TENM3: variants seen among roughly 807,000 people sequenced by gnomAD.
TENM3 encodes teneurin transmembrane protein 3, also known as teneurin-3.
In TENM3, 63 loss-of-function variants were observed where a neutral mutation model predicts 255.1. The observed-to-expected ratio is 0.25, with a 90% CI of 0.20 to 0.30. The LOEUF (loss-of-function observed/expected upper bound fraction) is 0.30, where lower values mean the gene tolerates loss of function less well. TENM3 is among the 10% of genes least tolerant of loss of function. The pLI, the probability that TENM3 is intolerant of heterozygous loss-of-function variation, is 1.00. For synonymous variants in TENM3, 1,306 were observed against 1,322.3 expected, an observed-to-expected ratio of 0.99 and a Z score of 0.27; for missense variants, 2,929 against 3,461.1, an observed-to-expected ratio of 0.85 and a Z score of 3.86.
intron 3 of TENM3, among the ~76,000 whole-genome samples, chr4:182,484,552 C>T (rs1025852120): frequency 2.0e-4 from 30 of 152,050 alleles, no homozygotes; most frequent in African/African-American, 6.0e-4. Context: ...CCTTTGAATA[C>T]GATTAATTTT....
At chr4:182,082,471 G>A in the TENM3 span, among the ~76,000 whole-genome samples, 29 of 152,158 alleles carry the variant, frequency 1.9e-4, no homozygotes, top group East Asian at 1.9e-3. Context: ...CCCAGCTTTC[G>A]CAATTATCAA....
the TENM3 span, among the ~76,000 whole-genome samples, chr4:182,022,935 G>A: frequency 1.3e-5 from 2 of 152,214 alleles, no homozygotes; most frequent in African/African-American, 4.8e-5. Context: ...TGAGGAGGGA[G>A]AAAAAACGCC....
intron 6 of TENM3, 117 bp from the exon 7 acceptor site, chr4:182,672,888 A>G: frequency 2.8e-6 from 2 of 712,834 alleles, no homozygotes; most frequent in South Asian, 2.1e-5. Context: ...AATATATCAG[A>G]AGATGAAATG....
chr4:182,533,439 TA>T (rs1445827044), intron 3 of TENM3, among the ~76,000 whole-genome samples: 1 of 149,196 alleles, frequency 6.7e-6, no homozygotes, highest in East Asian at 2.0e-4. Context: ...TAGTCCCAAC[TA>T]ATGTGGAAGG....
intron 22 of TENM3, among the ~76,000 whole-genome samples, chr4:182,757,560 C>T (rs1402398589): frequency 6.6e-6 from 1 of 152,088 alleles, no homozygotes; most frequent in Non-Finnish European, 1.5e-5. Flanking sequence ...CCTACAAATG[C>T]ATTTTAATCA....
intron 3 of TENM3, among the ~76,000 whole-genome samples, chr4:182,390,211 G>A (rs1448052103): frequency 3.3e-5 from 5 of 152,086 alleles, no homozygotes; most frequent in African/African-American, 7.2e-5. Context: ...TTACAGATCC[G>A]TTTGCATTTG....
intron 3 of TENM3, among the ~76,000 whole-genome samples, chr4:182,375,461 A>C (rs188839704): frequency 6.6e-6 from 1 of 152,318 alleles, no homozygotes; most frequent in East Asian, 1.9e-4. Flanking sequence ...TTATTTTCCT[A>C]GTGGAAAAAC....
chr4:181,608,351 A>T, the TENM3 span, among the ~76,000 whole-genome samples: 1 of 152,222 alleles, frequency 6.6e-6, no homozygotes, highest in Non-Finnish European at 1.5e-5. Context: ...CCCCTCTCCA[A>T]GAGGTTCCAG....
chr4:182,392,653 C>T (rs551836550), intron 3 of TENM3, among the ~76,000 whole-genome samples: 2 of 151,960 alleles, frequency 1.3e-5, no homozygotes, highest in South Asian at 2.1e-4. Flanking sequence ...GCCGCCAAAC[C>T]TAGGGGAATG....
chr4:182,430,086 T>C (rs1300431267), intron 3 of TENM3, among the ~76,000 whole-genome samples: 4 of 152,250 alleles, frequency 2.6e-5, no homozygotes, highest in African/African-American at 9.6e-5. Flanking sequence ...CTGAGTGACA[T>C]GACGCAGCTG....
chr4:182,798,913 CTGAGT>C (rs765196266), intron 27 of TENM3, among the ~76,000 whole-genome samples: 59 of 152,288 alleles, frequency 3.9e-4, no homozygotes, highest in Non-Finnish European at 6.9e-4. Context: ...TAAGAAATGG[CTGAGT>C]TAAGATGCCC....
chr4:181,987,905 G>A, the TENM3 span, among the ~76,000 whole-genome samples: 1 of 152,084 alleles, frequency 6.6e-6, no homozygotes, highest in African/African-American at 2.4e-5. Flanking sequence ...GGACAGAGAT[G>A]ACATCGTTGG....
chr4:182,605,896 T>TA (rs1748370815), intron 4 of TENM3, among the ~76,000 whole-genome samples: 1 of 152,222 alleles, frequency 6.6e-6, no homozygotes, highest in Admixed American at 6.5e-5. Flanking sequence ...CTGATAGCTG[T>TA]ACCAGGCAAA....
At chr4:182,644,769 T>G (rs576490610) in intron 5 of TENM3, among the ~76,000 whole-genome samples, 1 of 152,290 alleles carries the variant, frequency 6.6e-6, no homozygotes, top group South Asian at 2.1e-4. Context: ...TAAGAAAGAT[T>G]TAATTTTTAA....
At chr4:182,357,544 G>A (rs1366740118) in intron 3 of TENM3, among the ~76,000 whole-genome samples, 7 of 148,156 alleles carry the variant, frequency 4.7e-5, no homozygotes, top group East Asian at 2.0e-4. Context: ...CATGTCCTTC[G>A]CCCACTTTTT....
chr4:181,627,016 C>A, the TENM3 span, among the ~76,000 whole-genome samples: 1 of 152,068 alleles, frequency 6.6e-6, no homozygotes, highest in Non-Finnish European at 1.5e-5. Context: ...GAGTGGAAGA[C>A]AAGGCGTTAA....
chr4:182,441,568 G>A (rs1487056220), intron 3 of TENM3, among the ~76,000 whole-genome samples: 4 of 152,070 alleles, frequency 2.6e-5, no homozygotes, highest in Admixed American at 6.5e-5. Flanking sequence ...TGCAATCTCC[G>A]CTCACCACAA....
chr4:182,248,268 AT>A lies in TENM3; in HGVS notation c.-76+4796del, dbSNP rs561730343. Reference sequence around the variant, plus strand: ...CAGAACTTACAGTATAATAAAAAAAATTTTAAATAAAAATAAAGTGTCACTA... The same window carrying A: ...CAGAACTTACAGTATAATAAAAAAAATTTAAATAAAAATAAAGTGTCACTA... On this transcript the variant is annotated intron_variant, in intron 1 of 27. Transcript: ENST00000511685. 5.6e-3 allele frequency among the ~76,000 whole-genome samples: 849 copies of A among 152,340 alleles called. 6 individuals carry two copies. The highest frequency in any genetic ancestry group is 7.8e-3 in the Admixed American group (120 of 15,296).
the TENM3 span, among the ~76,000 whole-genome samples, chr4:181,700,886 G>C: frequency 7.2e-5 from 11 of 152,142 alleles, no homozygotes; most frequent in Non-Finnish European, 1.6e-4. Context: ...GCTGTGTTTG[G>C]ATGAACTTCG....
Sources: allele counts gnomAD v4.1 joint callset (sites outside exome capture counted in the v4.1 genomes callset), GRCh38; gene constraint gnomAD v4.1.1; transcripts MANE v1.5; gene names NCBI Gene and HGNC (gene_info 2026-07-23, HGNC 2026-07-21).